STPG2: variants seen among roughly 807,000 people sequenced by gnomAD.
STPG2 encodes the protein sperm tail PG-rich repeat containing 2.
A neutral mutation model predicts 54.2 loss-of-function variants in STPG2; 56 were observed. The observed-to-expected ratio is 1.03, with a 90% confidence interval of 0.83 to 1.29. The LOEUF (loss-of-function observed/expected upper bound fraction) is 1.29, where lower values mean the gene tolerates loss of function less well. STPG2 is among the 50% of genes most tolerant of loss of function. The pLI is 0.00. For missense variants in STPG2, 596 were observed against 544.9 expected (o/e 1.09, Z -0.93); for synonymous variants, 200 against 181.8 (o/e 1.10, Z -0.81).
chr4:98,055,127 A>G (rs1372573619), intron 5 of STPG2, among the ~76,000 whole-genome samples: 1 of 152,180 alleles, frequency 6.6e-6, no homozygotes, highest in Non-Finnish European at 1.5e-5. Context: ...AGCCAATGGG[A>G]GAATCCTAGA....
In STPG2 at chr4:97,805,706, A is replaced by G. The variant is rs147621613; in HGVS notation, c.1204+35067T>C. ...GAATAGTTTGTGAAACTTTTCTCCC[A>G]TTCTGTAGGCTGTTTACTCTGTTAA... On this transcript the variant is annotated intron_variant, in intron 9 of 10. Transcript: ENST00000295268. Among the ~76,000 whole-genome samples the G allele has an allele frequency of 5.2e-4, 79 of 151,818 alleles. 1 individual carries two copies. In the East Asian group the frequency reaches 0.013, roughly 24 times the overall value.
intron 5 of STPG2, among the ~76,000 whole-genome samples, chr4:97,984,798 G>C (rs1734780960): frequency 4.3e-5 from 1 of 23,296 alleles, no homozygotes; most frequent in South Asian, 1.9e-3. Context: ...AACATTTGCT[G>C]ATTACCCGCA....
intron 3 of STPG2, among the ~76,000 whole-genome samples, chr4:98,117,100 C>T (rs1477029141): frequency 6.6e-6 from 1 of 151,750 alleles, no homozygotes; most frequent in Non-Finnish European, 1.5e-5. Context: ...CTGAAGACTC[C>T]ATTTGGTATT....
chr4:97,673,613 T>A (rs1012911086), intron 10 of STPG2, among the ~76,000 whole-genome samples: 6 of 152,278 alleles, frequency 3.9e-5, no homozygotes, highest in Middle Eastern at 3.4e-3. Context: ...CTGAGGCTTG[T>A]AACCTCTGGC....
chr4:97,682,771 T>C (rs1474767317), intron 10 of STPG2, among the ~76,000 whole-genome samples: 1 of 151,848 alleles, frequency 6.6e-6, no homozygotes, highest in Non-Finnish European at 1.5e-5. Flanking sequence ...TACAGGTTTA[T>C]GTAGTGAAAT....
intron 9 of STPG2, among the ~76,000 whole-genome samples, chr4:97,719,121 G>A (rs1724374352): frequency 6.6e-6 from 1 of 151,870 alleles, no homozygotes; most frequent in Non-Finnish European, 1.5e-5. Context: ...TTTTGGATAA[G>A]ACTACCACTG....
At chr4:98,133,273 G>C (rs1375980106) in intron 2 of STPG2, among the ~76,000 whole-genome samples, 1 of 151,924 alleles carries the variant, frequency 6.6e-6, no homozygotes, top group Non-Finnish European at 1.5e-5. Flanking sequence ...AACAATTACA[G>C]TGCAATCATT....
intron 10 of STPG2, among the ~76,000 whole-genome samples, chr4:97,697,378 C>T (rs1227210193): frequency 1.3e-5 from 2 of 152,152 alleles, no homozygotes; most frequent in African/African-American, 4.8e-5. Flanking sequence ...CACCCCTGAC[C>T]TTAATGCCAG....
In STPG2 at chr4:97,544,462, A is replaced by G. The variant is rs1248261218; in HGVS notation, c.462+168237T>C. Among the ~76,000 whole-genome samples the G allele has an allele frequency of 3.3e-5, 5 of 152,074 alleles. No individual in the cohort carries two copies. The South Asian group carries it at 8.3e-4, about 25-fold the overall frequency. ...AAACATTCATGAGGGAAACACAGAA[A>G]CCATATAAAATGTTCCAGAGGACTA... is the stretch of plus-strand genomic sequence containing the variant. On this transcript the variant is annotated intron_variant, in intron 4 of 4. Coordinates refer to the STPG2 transcript ENST00000522676.
At chr4:97,870,715 T>G (rs1192927674) in intron 8 of STPG2, among the ~76,000 whole-genome samples, 1 of 151,302 alleles carries the variant, frequency 6.6e-6, no homozygotes, top group African/African-American at 2.4e-5. Context: ...AGAAGCATAC[T>G]AGTAGGAGTC....
chr4:97,943,668 AC>A (rs1299928301), intron 8 of STPG2, among the ~76,000 whole-genome samples: 2 of 152,178 alleles, frequency 1.3e-5, no homozygotes, highest in Non-Finnish European at 2.9e-5. Flanking sequence ...ATGTTCTCTG[AC>A]CCTACAAGGG....
At chr4:98,000,833 T>C (rs1226696118) in intron 5 of STPG2, among the ~76,000 whole-genome samples, 4 of 152,296 alleles carry the variant, frequency 2.6e-5, no homozygotes. Context: ...AGGGCATGTT[T>C]TGCAGGATAA....
chr4:97,844,635 T>C (rs1256965815), intron 8 of STPG2, among the ~76,000 whole-genome samples: 1 of 152,072 alleles, frequency 6.6e-6, no homozygotes, highest in Non-Finnish European at 1.5e-5. Flanking sequence ...CTATAATGTA[T>C]CTAAGTGTGA....
intron 4 of STPG2, among the ~76,000 whole-genome samples, chr4:97,453,452 C>T (rs971351547): frequency 6.6e-6 from 1 of 152,176 alleles, no homozygotes; most frequent in South Asian, 2.1e-4. Context: ...TGGGCAGAAC[C>T]AGCCCAGCGG....
intron 5 of STPG2, among the ~76,000 whole-genome samples, chr4:97,987,041 G>C (rs1272601991): frequency 6.6e-6 from 1 of 152,104 alleles, no homozygotes; most frequent in Non-Finnish European, 1.5e-5. Flanking sequence ...AGTATCTATA[G>C]CACCTAAGGG....
chr4:97,693,947 TAA>T (rs1383381399), intron 10 of STPG2, among the ~76,000 whole-genome samples: 1 of 152,058 alleles, frequency 6.6e-6, no homozygotes, highest in Non-Finnish European at 1.5e-5. Flanking sequence ...AGATGGAAAT[TAA>T]AAGACTCTGA....
chr4:97,985,027 T>C (rs1188418089), intron 5 of STPG2, among the ~76,000 whole-genome samples: 1 of 146,498 alleles, frequency 6.8e-6, no homozygotes, highest in African/African-American at 2.6e-5. Context: ...TGTTTTCCTA[T>C]TTTCCTATCT....
At chr4:97,628,974 G>C (rs573839789) in intron 10 of STPG2, among the ~76,000 whole-genome samples, 1 of 152,068 alleles carries the variant, frequency 6.6e-6, no homozygotes, top group South Asian at 2.1e-4. Context: ...CAAAGACTTT[G>C]AGTATATTTT....
chr4:97,976,260 A>C (rs1282602562), intron 6 of STPG2, among the ~76,000 whole-genome samples: 1 of 152,186 alleles, frequency 6.6e-6, no homozygotes, highest in African/African-American at 2.4e-5. Context: ...GAAAAAGATA[A>C]ACACAAAGTA....
Sources: allele counts gnomAD v4.1 joint callset (sites outside exome capture counted in the v4.1 genomes callset), GRCh38; gene constraint gnomAD v4.1.1; transcripts MANE v1.5; gene names NCBI Gene and HGNC (gene_info 2026-07-23, HGNC 2026-07-21).